The following CPQ variants were observed in gnomAD, a reference collection of about 807,000 sequenced individuals.
CPQ encodes carboxypeptidase Q.
A neutral mutation model predicts 45.7 loss-of-function variants in CPQ; 37 were observed. The observed-to-expected ratio is 0.81, with a 90% CI of 0.62 to 1.07. CPQ has a LOEUF of 1.07. Among genes scored for constraint, CPQ ranks in the 50% least tolerant of loss-of-function variants. The probability of loss-of-function intolerance (pLI) is 0.00; values close to 1 mark genes in which losing one functional copy is unlikely to be tolerated. For synonymous variants in CPQ, 186 were observed against 205.8 expected (o/e 0.90, Z 0.82); for missense variants, 537 against 572.9 (o/e 0.94, Z 0.64).
intron 4 of CPQ, among the ~76,000 whole-genome samples, chr8:96,893,005 G>T (rs1203998916): frequency 6.6e-6 from 1 of 152,224 alleles, no homozygotes; most frequent in Middle Eastern, 3.4e-3. Context: ...AGTAGTCTAC[G>T]TGTTTCTCAT....
At chr8:97,007,040 C>A (rs189656237) in intron 5 of CPQ, among the ~76,000 whole-genome samples, 45 of 152,296 alleles carry the variant, frequency 3.0e-4, no homozygotes, top group Admixed American at 2.8e-3. Context: ...CAGAGGAAAG[C>A]ATATTCAGCC....
intron 5 of CPQ, among the ~76,000 whole-genome samples, chr8:96,979,973 C>A (rs1245636728): frequency 6.6e-6 from 1 of 152,118 alleles, no homozygotes; most frequent in African/African-American, 2.4e-5. Context: ...ACCTTTAAGT[C>A]CTCCTTTCTT....
At chr8:96,799,480 T>G (rs985024927) in intron 2 of CPQ, among the ~76,000 whole-genome samples, 12 of 152,160 alleles carry the variant, frequency 7.9e-5, no homozygotes, top group Non-Finnish European at 1.3e-4. Context: ...GGCTTAATCT[T>G]TGTCTGATAT....
At chr8:96,882,851 A>G (rs1812246641) in intron 4 of CPQ, among the ~76,000 whole-genome samples, 1 of 152,242 alleles carries the variant, frequency 6.6e-6, no homozygotes. Flanking sequence ...TGGAAAATGT[A>G]TAATGTAACC....
chr8:96,946,697 G>T lies in CPQ; in HGVS notation c.850-19238G>T, dbSNP rs562483499. 2.9e-4 allele frequency among the ~76,000 whole-genome samples: 43 copies of T among 150,254 alleles called. No homozygotes were observed. In the South Asian group the frequency reaches 9.0e-3, roughly 31 times the overall value. ...CTGGTACCTCAAGATTCCCTAAATG[G>T]AGCTTCCTGGGTCAGTACGCCACTT... On this transcript the variant is annotated intron_variant, in intron 4 of 7. Coordinates refer to ENST00000220763, the MANE Select transcript of CPQ (RefSeq NM_016134.4).
At chr8:96,694,482 C>G (rs1364502137) in intron 1 of CPQ, among the ~76,000 whole-genome samples, 1 of 152,168 alleles carries the variant, frequency 6.6e-6, no homozygotes, top group African/African-American at 2.4e-5. Flanking sequence ...CATTCTTCTC[C>G]TCAGCATATG....
chr8:97,049,927 A>C (rs181791333), intron 6 of CPQ, among the ~76,000 whole-genome samples: 102 of 152,302 alleles, frequency 6.7e-4, no homozygotes, highest in African/African-American at 2.5e-3. Flanking sequence ...TTGGCAGCCT[A>C]TTACAAGGCA....
intron 7 of CPQ, among the ~76,000 whole-genome samples, chr8:97,112,677 C>T (rs1052451734): frequency 6.6e-6 from 1 of 152,148 alleles, no homozygotes; most frequent in Non-Finnish European, 1.5e-5. Flanking sequence ...TTTGTGTTTG[C>T]AAAGGCCGTG....
intron 1 of CPQ, among the ~76,000 whole-genome samples, chr8:96,747,193 A>G (rs528067237): frequency 6.6e-6 from 1 of 151,836 alleles, no homozygotes; most frequent in Non-Finnish European, 1.5e-5. Flanking sequence ...CTGGAGGCCA[A>G]GGCAGGAGAA....
chr8:96,832,323 A>G (rs933670168), intron 2 of CPQ, among the ~76,000 whole-genome samples: 9 of 152,142 alleles, frequency 5.9e-5, no homozygotes, highest in African/African-American at 2.2e-4. Context: ...CAGACTGCTG[A>G]GTTCCTATGG....
chr8:97,110,788 G>T (rs1363517520), intron 7 of CPQ, among the ~76,000 whole-genome samples: 2 of 152,076 alleles, frequency 1.3e-5, no homozygotes, highest in Non-Finnish European at 2.9e-5. Flanking sequence ...CTCTAAATTT[G>T]TACAGAATAG....
At chr8:97,080,853 G>A (rs1022545706) in intron 7 of CPQ, among the ~76,000 whole-genome samples, 3 of 152,020 alleles carry the variant, frequency 2.0e-5, no homozygotes, top group South Asian at 2.1e-4. Flanking sequence ...TGAGTGATCC[G>A]TTGCCTATCA....
At chr8:96,932,435 T>C (rs1254426440) in intron 4 of CPQ, among the ~76,000 whole-genome samples, 1 of 152,218 alleles carries the variant, frequency 6.6e-6, no homozygotes, top group East Asian at 1.9e-4. Context: ...TTCAACATTA[T>C]TATTACATTT....
intron 2 of CPQ, among the ~76,000 whole-genome samples, chr8:96,822,454 A>G (rs2130838224): frequency 6.6e-6 from 1 of 152,058 alleles, no homozygotes; most frequent in East Asian, 1.9e-4. Context: ...TGGTAGCCCT[A>G]TTTTTAATTT....
At chr8:97,065,868 A>G in intron 6 of CPQ, 141 bp from the exon 7 acceptor site, 1 of 772,600 alleles carries the variant, frequency 1.3e-6, no homozygotes, top group Non-Finnish European at 2.1e-6. Context: ...TATGCAGAGC[A>G]GACCTTAAGT....
chr8:96,664,327 C>T (rs1031850133), intron 1 of CPQ, among the ~76,000 whole-genome samples: 5 of 152,054 alleles, frequency 3.3e-5, no homozygotes, highest in Non-Finnish European at 7.4e-5. Context: ...GATAGAAGAA[C>T]TTTAAGGTGA....
chr8:96,779,341 G>GTA (rs1453951694), intron 1 of CPQ, among the ~76,000 whole-genome samples: 7 of 151,908 alleles, frequency 4.6e-5, no homozygotes, highest in Admixed American at 1.3e-4. Flanking sequence ...GAATGTTTGA[G>GTA]TATATATATA....
At chr8:96,648,980 TTTTTG>T (rs1190683842) in intron 1 of CPQ, among the ~76,000 whole-genome samples, 1 of 152,186 alleles carries the variant, frequency 6.6e-6, no homozygotes, top group Admixed American at 6.5e-5. Context: ...TTCAGCATTA[TTTTTG>T]TTTTGTTTTG....
intron 6 of CPQ, among the ~76,000 whole-genome samples, chr8:97,048,225 T>C (rs1245144581): frequency 2.6e-5 from 4 of 152,154 alleles, no homozygotes; most frequent in South Asian, 2.1e-4. Context: ...ATTTAGAAGA[T>C]TGGAGGAGCA....
Sources: allele counts gnomAD v4.1 joint callset (sites outside exome capture counted in the v4.1 genomes callset), GRCh38; gene constraint gnomAD v4.1.1; transcripts MANE v1.5; gene names NCBI Gene and HGNC (gene_info 2026-07-23, HGNC 2026-07-21).